SSBP4: variants seen among roughly 807,000 people sequenced by gnomAD.
SSBP4 encodes the protein single stranded DNA binding protein 4.
A neutral mutation model predicts 64.6 loss-of-function variants in SSBP4; 33 were observed. The ratio of observed to expected loss-of-function variants is 0.51; its 90% CI spans 0.39 to 0.68. The LOEUF is 0.68. Among genes scored for constraint, SSBP4 ranks in the 30% least tolerant of loss-of-function variants. SSBP4 has a pLI of 0.00. For synonymous variants in SSBP4, 243 were observed against 224.0 expected (o/e 1.08, Z -0.76); for missense variants, 583 against 566.8 (o/e 1.03, Z -0.29).
chr19:18,410,795 A>G, the SSBP4 span, among the ~76,000 whole-genome samples: 2 of 151,970 alleles, frequency 1.3e-5, no homozygotes, highest in Non-Finnish European at 2.9e-5. Flanking sequence ...TCAAGTGGTT[A>G]TATTCGGAAC....
intron 13 of SSBP4, 25 bp from the exon 14 acceptor site, chr19:18,432,948 C>G (rs756973451): frequency 1.7e-5 from 27 of 1,613,974 alleles, no homozygotes; most frequent in Non-Finnish European, 2.0e-5. Context: ...CCCGTCACAC[C>G]TGGCACCCTT....
intron 17 of SSBP4, 78 bp downstream of exon 17, chr19:18,433,895 C>T (rs1568360213): frequency 4.7e-6 from 6 of 1,282,140 alleles, no homozygotes; most frequent in South Asian, 2.5e-5. Context: ...GCGGGGCGGC[C>T]GGGGGGCCAG....
upstream of SSBP4, among the ~76,000 whole-genome samples, chr19:18,416,855 C>G (rs990825671): frequency 6.6e-6 from 1 of 152,256 alleles, no homozygotes; most frequent in Non-Finnish European, 1.5e-5. Context: ...GTTCTGCCCC[C>G]GCAAGGCGTG....
intron 1 of SSBP4, chr19:18,420,163 C>T (rs1317173923): frequency 6.6e-6 from 1 of 151,860 alleles, no homozygotes; most frequent in East Asian, 1.9e-4. Context: ...AGTGTCGGCT[C>T]GGGGACCCCA....
upstream of SSBP4, among the ~76,000 whole-genome samples, chr19:18,415,511 C>G (rs1972125002): frequency 6.6e-6 from 1 of 152,166 alleles, no homozygotes; most frequent in South Asian, 2.1e-4. Context: ...CGAATACTGC[C>G]AAGTCCAACT....
Position 18,419,567 on chromosome 19 carries a change from C to A in SSBP4, c.-82C>A. On this transcript the variant is annotated 5_prime_UTR_variant, in exon 1 of 18. Transcript: ENST00000270061. ...GCTCGGGGCGGTGAGGCCCGGGGCG[C>A]GGGGTAGCTATGGCGACGGCAAGCG... 1.7e-6 allele frequency: 2 copies of A among 1,190,334 alleles called. No homozygotes were observed. Among genetic ancestry groups the A allele is most frequent in the South Asian group, 2.8e-5 (1 of 35,392 alleles). The allele number at this position is 1,190,334 out of a possible 1,614,324, so 73.7% of individuals were successfully genotyped here.
chr19:18,419,737 CG>C, intron 1 of SSBP4, 30 bp downstream of exon 1: 1 of 1,133,652 alleles, frequency 8.8e-7, no homozygotes, highest in Non-Finnish European at 1.1e-6. Context: ...CGGGGCTCGG[CG>C]TCCGCGCTCT....
upstream of SSBP4, among the ~76,000 whole-genome samples, chr19:18,416,574 T>C (rs1972132351): frequency 6.6e-6 from 1 of 152,096 alleles, no homozygotes; most frequent in Non-Finnish European, 1.5e-5. Flanking sequence ...GAAAAAAATC[T>C]CACCCCCTCC....
At position 18,426,616 on chromosome 19, in the gene SSBP4, G is replaced by A. The variant is rs555454239; in HGVS notation, c.60-735G>A. Among the ~76,000 whole-genome samples the A allele has an allele frequency of 3.3e-5, 5 of 152,324 alleles. No individual in the cohort carries two copies. In the South Asian group the frequency reaches 6.2e-4, roughly 19 times the overall value. ...CCGTGCTGGAGCCACCTGGCTGGGC[G>A]AGGGTGACTCAGGTCCAAGCCCTTG... On this transcript the variant is annotated intron_variant, in intron 1 of 17. Transcript: ENST00000270061. This position sits in a 1 kb window ranked among gnomAD's most constrained non-coding sequence, Gnocchi z 4.5.
At chr19:18,431,927 C>T in intron 8 of SSBP4, 65 bp downstream of exon 8, 2 of 1,563,404 alleles carry the variant, frequency 1.3e-6, no homozygotes, top group Non-Finnish European at 8.7e-7. Flanking sequence ...AGAGCCCAGA[C>T]CTTGCTGCCT....
upstream of SSBP4, among the ~76,000 whole-genome samples, chr19:18,416,791 T>C (rs1215590597): frequency 1.3e-5 from 2 of 152,158 alleles, no homozygotes; most frequent in African/African-American, 4.8e-5. Context: ...TATTAATAAT[T>C]TTTCCTCCCC....
the SSBP4 span, among the ~76,000 whole-genome samples, chr19:18,407,228 G>A: frequency 6.6e-6 from 1 of 151,762 alleles, no homozygotes; most frequent in Admixed American, 6.6e-5. Flanking sequence ...AGTAGAGACG[G>A]GGTTTCACCT....
upstream of SSBP4, among the ~76,000 whole-genome samples, chr19:18,414,807 G>A (rs976740354): frequency 6.6e-6 from 1 of 152,154 alleles, no homozygotes; most frequent in African/African-American, 2.4e-5. Flanking sequence ...TTGGTGGCAT[G>A]ACCCAGTGGC....
intron 1 of SSBP4, among the ~76,000 whole-genome samples, chr19:18,424,397 G>A (rs1206913159): frequency 1.3e-5 from 2 of 152,160 alleles, no homozygotes; most frequent in African/African-American, 2.4e-5. Context: ...CATTCCATTG[G>A]GGGCCCAAGA....
In SSBP4 at chr19:18,423,663, C is replaced by T. The variant is rs1031618562; in HGVS notation, c.60-3688C>T. 6.6e-5 allele frequency among the ~76,000 whole-genome samples: 10 copies of T among 152,200 alleles called. No homozygotes were observed. The highest frequency in any genetic ancestry group is 1.9e-4 in the African/African-American group (8 of 41,448). On this transcript the variant is annotated intron_variant, in intron 1 of 17. Coordinates refer to ENST00000270061, the MANE Select transcript of SSBP4 (RefSeq NM_032627.5). This position sits in a 1 kb window ranked among gnomAD's most constrained non-coding sequence, Gnocchi z 4.0. ...TACATTTCAGGCCACCAGGCGCTAGCACCCCATCCTGGCTCTGCTTCCCTG... is the reference window on the plus strand; with the variant it reads ...TACATTTCAGGCCACCAGGCGCTAGTACCCCATCCTGGCTCTGCTTCCCTG...
In SSBP4 at chr19:18,427,382, C is replaced by T. The variant is rs983526627; in HGVS notation, c.91C>T (p.His31Tyr). 2 of 1,610,870 alleles carry T rather than the reference C, an allele frequency of 1.2e-6. No individual in the cohort carries two copies. The highest frequency in any genetic ancestry group is 2.7e-5 in the African/African-American group (2 of 74,902). The change falls in exon 2 of 18, where the codon CAC becomes TAC. Residue 31 changes from histidine to tyrosine, a missense_variant. His to Tyr is a moderately conservative substitution (Grantham distance 83). Around this residue, in one of 5 missense-constraint regions of SSBP4, gnomAD observed 43 missense variants for 74.2 expected, o/e 0.58. Coordinates refer to ENST00000270061, the MANE Select transcript of SSBP4 (RefSeq NM_032627.5). The surrounding 1 kb of genome is among the most constrained non-coding windows in gnomAD (Gnocchi z 4.4). ...LALYVYEYLLHIGAQKSAQTF... is the reference protein window; with the variant it reads ...LALYVYEYLLYIGAQKSAQTF... ...GCTGTACGTTTATGAGTACCTGCTG[C>T]ACATCGGTGCCCAGAAGTCAGCCCA...
chr19:18,407,763 G>C, the SSBP4 span, among the ~76,000 whole-genome samples: 1 of 151,758 alleles, frequency 6.6e-6, no homozygotes, highest in African/African-American at 2.4e-5. Flanking sequence ...GTTTTTTGAC[G>C]CAGAGTCTGG....
Position 18,427,840 on chromosome 19 carries a change from C to A in SSBP4, c.194+27C>A. ...TACGGGCTGGGCTGCTGTGGGTGGG[C>A]TGTGGAAGGGGGTTGAGGGAGGCAC... On this transcript the variant is annotated intron_variant, in intron 3 of 17. Coordinates refer to ENST00000270061, the MANE Select transcript of SSBP4 (RefSeq NM_032627.5). This position sits in a 1 kb window ranked among gnomAD's most constrained non-coding sequence, Gnocchi z 4.4. 1 of 1,613,146 alleles carries A rather than the reference C, an allele frequency of 6.2e-7. No homozygotes were observed.
intron 15 of SSBP4, 42 bp from the exon 16 acceptor site, chr19:18,433,543 C>T: frequency 1.3e-6 from 2 of 1,546,274 alleles, no homozygotes; most frequent in Non-Finnish European, 8.7e-7. Context: ...GGCATGGCGC[C>T]AGCACGTCTG....
Sources: gnomAD v4.1 joint callset for allele counts (sites outside exome capture counted in the v4.1 genomes callset) on GRCh38, gnomAD v4.1.1 for gene constraint, gnomAD v4.1.1 regional missense constraint, Gnocchi (gnomAD v3.1) non-coding constraint, MANE v1.5 for transcripts, NCBI Gene and HGNC (gene_info 2026-07-23, HGNC 2026-07-21) for gene names.